Variants in DYSF observed in about 807,000 individuals in gnomAD.
DYSF encodes the protein dysferlin.
Under a neutral mutation model 274.9 loss-of-function variants are expected in DYSF, and 212 were observed. That is an observed-to-expected ratio of 0.77 (90% CI 0.69 to 0.86). The LOEUF (loss-of-function observed/expected upper bound fraction) is 0.86. Ranked by LOEUF, DYSF falls within the 40% of genes least tolerant of loss-of-function variation. DYSF has a pLI of 0.00. For synonymous variants in DYSF, 1,091 were observed against 1,078.7 expected (o/e 1.01, Z -0.22); for missense variants, 2,666 against 2,783.2 (o/e 0.96, Z 0.95).
rs121908954 is a variant in DYSF at position 71,602,794 on chromosome 2, A to T, written c.3946A>T (p.Ile1316Phe). The T allele has an allele frequency of 6.2e-7, 1 of 1,613,256 alleles. No individual in the cohort carries two copies. The highest frequency in any genetic ancestry group is 1.7e-5 in the Admixed American group (1 of 59,984). Residue 1316 changes from isoleucine to phenylalanine, a missense_variant, in exon 36 of 56, where the codon ATC becomes TTC. This residue lies in a region of DYSF where 1,460 missense variants were observed against 1,502.1 expected (regional missense o/e 0.97). Coordinates refer to ENST00000410020, the MANE Select transcript of DYSF (RefSeq NM_001130987.2). Reference sequence around the variant, plus strand: ...GGGCCAGGTGCAGGAGACATCAAGGATCCTGGATGAGGTGAGCTGGGCGTG... The same window carrying T: ...GGGCCAGGTGCAGGAGACATCAAGGTTCCTGGATGAGGTGAGCTGGGCGTG... Reference protein sequence around the residue: ...PGFEVQETSRILDESEDTDLP... With the variant: ...PGFEVQETSRFLDESEDTDLP...
chr2:71,611,638 C>A lies in DYSF; in HGVS notation c.4221+12C>A. 6.2e-7 allele frequency: 1 copy of A among 1,612,644 alleles called. No individual in the cohort carries two copies. Among genetic ancestry groups the A allele is most frequent in the Non-Finnish European group, 8.5e-7 (1 of 1,179,820 alleles). On this transcript the variant is annotated intron_variant, in intron 38 of 55. Transcript: ENST00000410020. ...TCTTCATGGAAGTGGTGAGCCCCAC[C>A]TCCCTACTGTCCCCTTCCAGAGTCC...
In DYSF at chr2:71,681,084, C is replaced by T. The variant is rs1475050443; in HGVS notation, c.6147C>T (p.Asn2049=). 6.2e-7 allele frequency: 1 copy of T among 1,614,088 alleles called. No individual in the cohort carries two copies. The highest frequency in any genetic ancestry group is 1.3e-5 in the African/African-American group (1 of 74,944). Reference sequence around the variant, plus strand: ...CTGGCCAGGGCCGGGATGAGCCCAACATGAACCCTAAGCTTGAGGACCCAA... The same window carrying T: ...CTGGCCAGGGCCGGGATGAGCCCAATATGAACCCTAAGCTTGAGGACCCAA... ...RPAGQGRDEP[N]MNPKLEDPRR... The change falls in exon 54 of 56, where the codon AAC becomes AAT. Residue 2049 remains asparagine (N), a synonymous_variant. Coordinates refer to ENST00000410020, the MANE Select transcript of DYSF (RefSeq NM_001130987.2).
In DYSF at chr2:71,570,232, G is replaced by C. The variant is rs778427145; in HGVS notation, c.2983G>C (p.Gly995Arg). The C allele has an allele frequency of 1.2e-6, 2 of 1,614,008 alleles. No individual in the cohort carries two copies. Among genetic ancestry groups the C allele is most frequent in the East Asian group, 4.5e-5 (2 of 44,870 alleles). ...GCCTGTTCGGTTTTGTCCTTAGAAC[G>C]GGGAGAAGGTGCTTCCCAAGGATGA... ...YMSDNYTDVN[G>R]EKVLPKDDIE... is the part of the protein sequence containing the mutation. The change falls in exon 28 of 56, where the codon GGG becomes CGG. Residue 995 changes from glycine to arginine, a missense_variant. By Grantham distance (125) the Gly-to-Arg change is moderately radical (BLOSUM62 -2). Coordinates refer to ENST00000410020, the MANE Select transcript of DYSF (RefSeq NM_001130987.2).
chr2:71,525,347 C>CT (rs1559076796), intron 12 of DYSF, among the ~76,000 whole-genome samples: 1 of 152,134 alleles, frequency 6.6e-6, no homozygotes, highest in Non-Finnish European at 1.5e-5. Context: ...ATCTCAGCCT[C>CT]TGAGTAGCTG....
intron 33 of DYSF, among the ~76,000 whole-genome samples, 194 bp downstream of exon 33, chr2:71,598,939 C>T (rs2093474150): frequency 6.6e-6 from 1 of 152,228 alleles, no homozygotes; most frequent in Non-Finnish European, 1.5e-5. Flanking sequence ...GCAGACATTG[C>T]TCATCAGTGG....
intron 41 of DYSF, among the ~76,000 whole-genome samples, chr2:71,627,983 A>C (rs1259706882): frequency 6.6e-6 from 1 of 152,024 alleles, no homozygotes; most frequent in African/African-American, 2.4e-5. Flanking sequence ...AGTTTTAGCT[A>C]TCTCTCCTGT....
chr2:71,550,842 G>A lies in DYSF; in HGVS notation c.1577-199G>A, dbSNP rs143987807. On this transcript the variant is annotated intron_variant, in intron 17 of 55. Transcript: ENST00000410020. ...AATATGATTGCATCTCAGCATGATG[G>A]TGAGGAGTAAAGAGACTTAGGGGAG... Among the ~76,000 whole-genome samples, 462 of 152,322 alleles carry A rather than the reference G, an allele frequency of 3.0e-3. 1 individual carries two copies. Among genetic ancestry groups the A allele is most frequent in the African/African-American group, 0.011 (450 of 41,564 alleles).
chr2:71,503,938 CTGTGGGTTAGCCCCGCCTTCCAGGA>C (rs2085230208), intron 4 of DYSF, among the ~76,000 whole-genome samples: 1 of 152,230 alleles, frequency 6.6e-6, no homozygotes, highest in African/African-American at 2.4e-5. Flanking sequence ...CTGACCTCTC[CTGTGGGTTAGCCCCGCCTTCCAGGA>C]TGTACCAGGA....
chr2:71,526,405 T>TGGGGGGGGGGGGGGGGGGGGG, intron 13 of DYSF, 59 bp downstream of exon 13: 11 of 370,342 alleles, frequency 3.0e-5, no homozygotes, highest in East Asian at 1.1e-4. Flanking sequence ...GCAGGGCTGG[T>TGGGGGGGGGGGGGGGGGGGGG]GGGGGTGGGC....
At chr2:71,669,376 G>C (rs2095077894) in intron 50 of DYSF, among the ~76,000 whole-genome samples, 169 bp downstream of exon 50, 1 of 152,160 alleles carries the variant, frequency 6.6e-6, no homozygotes, top group African/African-American at 2.4e-5. Flanking sequence ...TCTCCCACCA[G>C]ATTTCTTTTT....
At chr2:71,592,082 C>T (rs1461011498) in intron 32 of DYSF, among the ~76,000 whole-genome samples, 1 of 152,244 alleles carries the variant, frequency 6.6e-6, no homozygotes, top group Non-Finnish European at 1.5e-5. Context: ...CTTGCTTCCT[C>T]TCCCTTCCCG....
At chr2:71,642,944 A>T (rs2094508848) in intron 41 of DYSF, among the ~76,000 whole-genome samples, 1 of 152,196 alleles carries the variant, frequency 6.6e-6, no homozygotes, top group African/African-American at 2.4e-5. Flanking sequence ...CTACCTTCTC[A>T]TACAGAGGAG....
chr2:71,662,436 ATGTG>A (rs951681416), intron 45 of DYSF, among the ~76,000 whole-genome samples: 5 of 151,192 alleles, frequency 3.3e-5, no homozygotes, highest in African/African-American at 1.2e-4. Flanking sequence ...GTGTGTATGT[ATGTG>A]TGTGTATGTG....
chr2:71,663,238 T>A (rs1237690404), intron 45 of DYSF, among the ~76,000 whole-genome samples: 1 of 152,184 alleles, frequency 6.6e-6, no homozygotes, highest in Non-Finnish European at 1.5e-5. Context: ...AAAGCCGACT[T>A]ATTTTCCTGT....
intron 7 of DYSF, among the ~76,000 whole-genome samples, chr2:71,514,966 A>AT (rs2152733459): frequency 6.7e-6 from 1 of 149,398 alleles, no homozygotes; most frequent in Non-Finnish European, 1.5e-5. Flanking sequence ...ATATTATGCA[A>AT]TTTACAAAAA....
intron 22 of DYSF, among the ~76,000 whole-genome samples, chr2:71,557,865 C>T (rs113070335): frequency 6.6e-6 from 1 of 152,026 alleles, no homozygotes; most frequent in South Asian, 2.1e-4. Context: ...GGCCCCATCT[C>T]TACTAAAAAT....
At chr2:71,556,912 G>A (rs1249741773) in intron 22 of DYSF, among the ~76,000 whole-genome samples, 1 of 152,184 alleles carries the variant, frequency 6.6e-6, no homozygotes, top group Non-Finnish European at 1.5e-5. Context: ...CCTCAGCCTG[G>A]CTGTACAGCC....
chr2:71,589,943 C>T (rs867357208), intron 31 of DYSF, among the ~76,000 whole-genome samples: 3 of 152,186 alleles, frequency 2.0e-5, no homozygotes, highest in African/African-American at 7.2e-5. Context: ...GTGGCTGTCC[C>T]ATTGTCTATT....
In DYSF at chr2:71,511,812, G is replaced by T. The variant is rs559097090; in HGVS notation, c.351G>T (p.Ser117=). The change falls in exon 5 of 56, where the codon TCG becomes TCT. Residue 117 remains serine, a synonymous_variant. Coordinates refer to ENST00000410020, the MANE Select transcript of DYSF (RefSeq NM_001130987.2). ...LDTKKQPTGA[S]LVLQVSYTPL... ...CCACGTCTCATCTCTTCCAGGCCTC[G>T]CTGGTCCTGCAGGTGTCCTACACAC... The T allele has an allele frequency of 6.5e-7, 1 of 1,550,212 alleles. No individual in the cohort carries two copies. Among genetic ancestry groups the T allele is most frequent in the Non-Finnish European group, 8.7e-7 (1 of 1,145,918 alleles).
Sources: gnomAD v4.1 joint callset for allele counts (sites outside exome capture counted in the v4.1 genomes callset) on GRCh38, gnomAD v4.1.1 for gene constraint, gnomAD v4.1.1 regional missense constraint, MANE v1.5 for transcripts, NCBI Gene and HGNC (gene_info 2026-07-23, HGNC 2026-07-21) for gene names.